The following NME7 variants were observed in gnomAD, a reference collection of about 807,000 sequenced individuals.
NME7 encodes the protein nucleoside diphosphate kinase 7.
A neutral mutation model predicts 49.1 loss-of-function variants in NME7; 41 were observed. That is an observed-to-expected ratio of 0.83 (90% CI 0.65 to 1.08). The LOEUF is 1.08. NME7 is among the 50% of genes least tolerant of loss of function. The pLI is 0.00. For missense variants in NME7, 423 were observed against 463.4 expected, an observed-to-expected ratio of 0.91 and a Z score of 0.80; for synonymous variants, 139 against 150.6, an observed-to-expected ratio of 0.92 and a Z score of 0.56.
At chr1:169,169,424 G>A in intron 11 of NME7, 23 bp downstream of exon 11, 2 of 1,572,650 alleles carry the variant, frequency 1.3e-6, no homozygotes, top group East Asian at 2.2e-5. Context: ...ATATAAATAG[G>A]ATGTTTACCT....
intron 11 of NME7, chr1:169,168,923 A>G (rs1039042397): frequency 1.5e-5 from 7 of 455,950 alleles, no homozygotes; most frequent in African/African-American, 6.0e-5. Context: ...AAATGAATAT[A>G]TAAGTGGACC....
chr1:169,145,423 C>T (rs1658719740), intron 11 of NME7, among the ~76,000 whole-genome samples: 1 of 152,158 alleles, frequency 6.6e-6, no homozygotes, highest in South Asian at 2.1e-4. Context: ...TACTCTGGTG[C>T]TCTTCTCTCT....
intron 6 of NME7, 112 bp downstream of exon 6, chr1:169,298,444 T>A (rs988659069): frequency 9.6e-5 from 100 of 1,046,814 alleles, no homozygotes; most frequent in Non-Finnish European, 1.0e-4. Flanking sequence ...TCTCTACTAC[T>A]AGAGCAGCAG....
chr1:169,259,713 T>C (rs1056404417), intron 7 of NME7, among the ~76,000 whole-genome samples: 24 of 134,396 alleles, frequency 1.8e-4, no homozygotes, highest in African/African-American at 6.0e-4. Context: ...TATTAAACTT[T>C]CATTTCATAT....
chr1:169,342,545 G>GTA lies in NME7; in HGVS notation c.4-18047_4-18046dup, dbSNP rs1202239463. ...ATATATATACAAGTACATATATATA[G>GTA]TATATATATATATACAAGTACATAT... On this transcript the variant is annotated intron_variant, in intron 1 of 11. Transcript: ENST00000367811. 6.0e-4 allele frequency among the ~76,000 whole-genome samples: 63 copies of GTA among 104,404 alleles called. 5 individuals are homozygous for GTA. Among genetic ancestry groups the GTA allele is most frequent in the South Asian group, 1.5e-3 (5 of 3,290 alleles). 68.5% of individuals were successfully genotyped at this position (104,404 alleles called of 152,430 possible). A position where few individuals can be genotyped will look rare whatever the true frequency, so the allele number is the denominator to read the frequency against.
At chr1:169,252,979 T>G (rs1648703475) in intron 7 of NME7, among the ~76,000 whole-genome samples, 1 of 149,756 alleles carries the variant, frequency 6.7e-6, no homozygotes. Flanking sequence ...GTAGTATAGT[T>G]TGAAGTCAGG....
At chr1:169,171,763 C>CAAA (rs1659599326) in intron 10 of NME7, among the ~76,000 whole-genome samples, 1 of 151,188 alleles carries the variant, frequency 6.6e-6, no homozygotes, top group Non-Finnish European at 1.5e-5. Context: ...GATTCCATCT[C>CAAA]AAAAACAACA....
At chr1:169,233,110 A>G (rs1306896505) in intron 9 of NME7, among the ~76,000 whole-genome samples, 4 of 99,584 alleles carry the variant, frequency 4.0e-5, no homozygotes, top group Non-Finnish European at 8.5e-5. Flanking sequence ...GTTGCTTTCA[A>G]ACATAATTGT....
At chr1:169,163,008 C>T (rs1659295250) in intron 11 of NME7, among the ~76,000 whole-genome samples, 1 of 152,060 alleles carries the variant, frequency 6.6e-6, no homozygotes, top group Admixed American at 6.6e-5. Context: ...AAGAGAAAAT[C>T]AGAAAAAGAA....
chr1:169,172,145 G>C (rs1659614739), intron 10 of NME7, among the ~76,000 whole-genome samples: 1 of 152,092 alleles, frequency 6.6e-6, no homozygotes, highest in African/African-American at 2.4e-5. Flanking sequence ...CCATATGTCT[G>C]ATGTGCAGCC....
intron 11 of NME7, among the ~76,000 whole-genome samples, chr1:169,134,283 CTCT>C (rs1265807590): frequency 2.0e-5 from 3 of 152,232 alleles, no homozygotes; most frequent in African/African-American, 2.4e-5. Flanking sequence ...ATTTCTCAGA[CTCT>C]TCAATACATT....
At position 169,267,587 on chromosome 1, in the gene NME7, G is replaced by C. The variant is rs933961787; in HGVS notation, c.754+19716C>G. ...AAAAACAGACACACAGACCAATGGA[G>C]CAGGATAGAGAGCCCAGATATAAAC... On this transcript the variant is annotated intron_variant, in intron 7 of 11. Transcript: ENST00000367811. Among the ~76,000 whole-genome samples, 14 of 132,818 alleles carry C rather than the reference G, an allele frequency of 1.1e-4. 2 individuals are homozygous for C. Among genetic ancestry groups the C allele is most frequent in the African/African-American group, 3.6e-4 (14 of 39,282 alleles). The allele number at this position is 132,818 out of a possible 152,430, so 87.1% of individuals were successfully genotyped here.
At chr1:169,163,187 A>T (rs1178593697) in intron 11 of NME7, among the ~76,000 whole-genome samples, 3 of 152,168 alleles carry the variant, frequency 2.0e-5, no homozygotes, top group African/African-American at 7.2e-5. Flanking sequence ...CACTGGTGAC[A>T]TGAGATGACA....
At chr1:169,183,930 G>A (rs768861882) in intron 10 of NME7, among the ~76,000 whole-genome samples, 7 of 152,038 alleles carry the variant, frequency 4.6e-5, no homozygotes, top group Non-Finnish European at 1.0e-4. Context: ...CCTTCTGAAA[G>A]TATATTGTTT....
chr1:169,252,295 A>G (rs1427338294), intron 7 of NME7, among the ~76,000 whole-genome samples: 1 of 151,650 alleles, frequency 6.6e-6, no homozygotes, highest in Non-Finnish European at 1.5e-5. Context: ...TTTGATTTGC[A>G]TTTCTCTGAT....
chr1:169,362,561 A>G (rs1458725041), intron 1 of NME7, among the ~76,000 whole-genome samples: 1 of 152,200 alleles, frequency 6.6e-6, no homozygotes, highest in East Asian at 1.9e-4. Flanking sequence ...GGAAGCCTCA[A>G]CTATAACAAA....
At chr1:169,319,565 C>A (rs1010765857) in intron 3 of NME7, among the ~76,000 whole-genome samples, 7 of 152,080 alleles carry the variant, frequency 4.6e-5, no homozygotes, top group Admixed American at 4.6e-4. Flanking sequence ...ATCCATATAC[C>A]ATTTCAGTAC....
chr1:169,343,119 G>A (rs888325001), intron 1 of NME7, among the ~76,000 whole-genome samples: 2 of 150,266 alleles, frequency 1.3e-5, no homozygotes. Flanking sequence ...ATTTTTTGTT[G>A]GGGAGGGAAT....
chr1:169,178,658 T>C (rs1659834802), intron 10 of NME7, among the ~76,000 whole-genome samples: 1 of 152,150 alleles, frequency 6.6e-6, no homozygotes, highest in South Asian at 2.1e-4. Context: ...TCAGTGATAT[T>C]CTGAGGCTCC....
Sources: gnomAD v4.1 joint callset for allele counts (sites outside exome capture counted in the v4.1 genomes callset) on GRCh38, gnomAD v4.1.1 for gene constraint, MANE v1.5 for transcripts, NCBI Gene and HGNC (gene_info 2026-07-23, HGNC 2026-07-21) for gene names.